RAB3D: variants seen among roughly 807,000 people sequenced by gnomAD.
RAB3D encodes the protein ras-related protein Rab-3D.
RAB3D carries 17 observed loss-of-function variants against 19.3 expected under a neutral mutation model. The ratio of observed to expected loss-of-function variants is 0.88; its 90% CI spans 0.60 to 1.32. RAB3D has a LOEUF of 1.32. Among genes scored for constraint, RAB3D ranks in the 40% most tolerant of loss-of-function variants. The pLI is 0.00. For synonymous variants in RAB3D, 103 were observed against 119.9 expected (o/e 0.86, Z 0.92); for missense variants, 223 against 299.1 (o/e 0.75, Z 1.88).
intron 4 of RAB3D, among the ~76,000 whole-genome samples, chr19:11,329,816 G>A (rs895789190): frequency 2.0e-5 from 3 of 151,778 alleles, no homozygotes; most frequent in African/African-American, 7.3e-5. Context: ...CAAGTAGCTG[G>A]GATTACAGGC....
chr19:11,332,447 C>A (rs907877779), intron 4 of RAB3D, among the ~76,000 whole-genome samples: 5 of 151,454 alleles, frequency 3.3e-5, no homozygotes, highest in African/African-American at 1.2e-4. Context: ...CAGGCTCAAG[C>A]GATCCTCCCA....
At chr19:11,328,962 C>T (rs2147967531) in intron 4 of RAB3D, among the ~76,000 whole-genome samples, 1 of 149,166 alleles carries the variant, frequency 6.7e-6, no homozygotes, top group Admixed American at 6.7e-5. Flanking sequence ...GACAGAGTCT[C>T]CCTCTGTTGC....
intron 1 of RAB3D, among the ~76,000 whole-genome samples, chr19:11,338,038 A>C (rs1028762641): frequency 1.3e-5 from 2 of 152,176 alleles, no homozygotes; most frequent in Admixed American, 6.5e-5. Context: ...CTCTGTGGAA[A>C]TGCAGCTGTG....
rs1174021789 is a variant in RAB3D at position 11,324,508 on chromosome 19, A to C, written c.*890T>G. 1.4e-5 allele frequency: 2 copies of C among 138,178 alleles called. No homozygotes were observed. The highest frequency in any genetic ancestry group is 3.0e-5 in the Non-Finnish European group (2 of 66,996). 8.6% of individuals were successfully genotyped at this position (138,178 alleles called of 1,614,324 possible). On this transcript the variant is annotated 3_prime_UTR_variant, in exon 5 of 5. Transcript: ENST00000222120. Reference sequence around the variant, plus strand: ...TTAAAACACAACCAGCTAAACAGCTAAACAGGGCCTGGGAGGGAGGCCCCA... The same window carrying C: ...TTAAAACACAACCAGCTAAACAGCTCAACAGGGCCTGGGAGGGAGGCCCCA...
intron 4 of RAB3D, chr19:11,327,053 G>C: frequency 2.1e-6 from 1 of 465,278 alleles, no homozygotes; most frequent in Non-Finnish European, 3.8e-6. Flanking sequence ...AGGGTAAGTG[G>C]ACCTGTCTTC....
In RAB3D at chr19:11,325,545, A is replaced by G. The variant is rs12981706; in HGVS notation, c.513T>C (p.Asn171=). ...CCAGGCGCTCGAAGACCTGCTTCAC[A>G]TTGATGTTCTCCTTGGCACTGGCTT... ...FFEASAKENI[N]VKQVFERLVD... Residue 171 remains asparagine (N), a synonymous_variant, in exon 5 of 5, where the codon AAT becomes AAC. Coordinates refer to ENST00000222120, the MANE Select transcript of RAB3D (RefSeq NM_004283.4). 59,732 of 1,613,384 alleles carry G rather than the reference A, an allele frequency of 0.037. 1,784 individuals are homozygous for G. Among genetic ancestry groups the G allele is most frequent in the African/African-American group, 0.15 (11,333 of 74,974 alleles).
chr19:11,339,218 C>A (rs976155997), intron 1 of RAB3D, among the ~76,000 whole-genome samples: 2 of 152,228 alleles, frequency 1.3e-5, no homozygotes, highest in African/African-American at 2.4e-5. Flanking sequence ...AGCCTGGCCC[C>A]GGAGGGCTCG....
At chr19:11,325,667 T>G in intron 4 of RAB3D, 82 bp from the exon 5 acceptor site, 1 of 1,351,292 alleles carries the variant, frequency 7.4e-7, no homozygotes, top group South Asian at 1.3e-5. Context: ...ACCTGGCTTC[T>G]AAGCCTAGTT....
intron 4 of RAB3D, among the ~76,000 whole-genome samples, chr19:11,331,870 C>T (rs925849155): frequency 3.3e-5 from 5 of 151,978 alleles, no homozygotes; most frequent in African/African-American, 1.2e-4. Flanking sequence ...GAAGTGTTTA[C>T]AGACAAAAGG....
At chr19:11,329,970 C>T (rs553080151) in intron 4 of RAB3D, among the ~76,000 whole-genome samples, 1 of 152,268 alleles carries the variant, frequency 6.6e-6, no homozygotes, top group African/African-American at 2.4e-5. Context: ...GCGTGAGCCA[C>T]CGAACCTGGC....
At position 11,335,547 on chromosome 19, in the gene RAB3D, G is replaced by C. The variant is rs774058133; in HGVS notation, c.372C>G (p.Ser124=). 1.9e-6 allele frequency: 3 copies of C among 1,614,098 alleles called. No individual in the cohort carries two copies. The highest frequency in any genetic ancestry group is 2.5e-6 in the Non-Finnish European group (3 of 1,180,034). ...CCAGGATGACCTGGGCGTTGTCCCA[G>C]GAGTAGGTCTTGATTTGCGTGGCCC... The part of the protein sequence containing the change: ...QDWATQIKTY[S]WDNAQVILVG... The change falls in exon 4 of 5, where the codon TCC becomes TCG. Residue 124 remains serine (S), a synonymous_variant. Coordinates refer to ENST00000222120, the MANE Select transcript of RAB3D (RefSeq NM_004283.4).
At chr19:11,327,205 C>T (rs1428338400) in intron 4 of RAB3D, among the ~76,000 whole-genome samples, 2 of 152,190 alleles carry the variant, frequency 1.3e-5, no homozygotes, top group African/African-American at 4.8e-5. Context: ...GTGCCCGACA[C>T]AGAGAGGGTG....
rs201261637 is a variant in RAB3D, at chr19:11,326,305, CAGG to C, written c.473-723_473-721del. Among the ~76,000 whole-genome samples, 1,149 of 151,980 alleles carry C rather than the reference CAGG, an allele frequency of 7.6e-3. 6 individuals carry two copies. The highest frequency in any genetic ancestry group is 0.027 in the African/African-American group (1,099 of 41,412). On this transcript the variant is annotated intron_variant, in intron 4 of 4. Transcript: ENST00000222120. ...TTAAGGCAGGAGAATGGTTTGAGCC[CAGG>C]AGGTCAAGGCAGCAGTGAGCCATGA...
intron 4 of RAB3D, among the ~76,000 whole-genome samples, chr19:11,333,507 G>T (rs897681103): frequency 6.6e-6 from 1 of 152,170 alleles, no homozygotes; most frequent in Admixed American, 6.6e-5. Context: ...TGGGTGCTCA[G>T]CATATTTCTG....
chr19:11,339,052 C>T (rs758503400), intron 1 of RAB3D, among the ~76,000 whole-genome samples: 1 of 152,212 alleles, frequency 6.6e-6, no homozygotes, highest in Non-Finnish European at 1.5e-5. Flanking sequence ...ACCCCGTGTT[C>T]CAGGAGAACG....
chr19:11,323,687 G>C lies in RAB3D; in HGVS notation c.*1711C>G, dbSNP rs911165061. 6.6e-6 allele frequency: 1 copy of C among 152,222 alleles called. No individual in the cohort carries two copies. The highest frequency in any genetic ancestry group is 2.4e-5 in the African/African-American group (1 of 41,432). 9.4% of individuals were successfully genotyped at this position (152,222 alleles called of 1,614,324 possible). A position where few individuals can be genotyped will look rare whatever the true frequency, so the allele number is the denominator to read the frequency against. On this transcript the variant is annotated 3_prime_UTR_variant, in exon 5 of 5. Coordinates refer to ENST00000222120, the MANE Select transcript of RAB3D (RefSeq NM_004283.4). The stretch of plus-strand genomic sequence containing the variant: ...GCTCCCTAGAAATAAATCTAAACTT[G>C]AACCAGGCTTTCCCCCTCACACATA...
chr19:11,334,949 G>A (rs977949086), intron 4 of RAB3D, among the ~76,000 whole-genome samples: 8 of 151,626 alleles, frequency 5.3e-5, no homozygotes, highest in East Asian at 3.9e-4. Context: ...CCTGGGAAGC[G>A]GAGCTTGCAG....
chr19:11,331,665 C>T (rs900546650), intron 4 of RAB3D, among the ~76,000 whole-genome samples: 6 of 152,004 alleles, frequency 3.9e-5, no homozygotes, highest in African/African-American at 1.4e-4. Flanking sequence ...GAGCTTTAAA[C>T]TTATTTTGTA....
intron 4 of RAB3D, among the ~76,000 whole-genome samples, chr19:11,327,670 A>G (rs943983707): frequency 1.3e-5 from 2 of 152,072 alleles, no homozygotes; most frequent in Non-Finnish European, 2.9e-5. Context: ...AAGTGCTGGG[A>G]TTACAGGCAT....
Sources: allele counts gnomAD v4.1 joint callset (sites outside exome capture counted in the v4.1 genomes callset), GRCh38; gene constraint gnomAD v4.1.1; transcripts MANE v1.5; gene names NCBI Gene and HGNC (gene_info 2026-07-23, HGNC 2026-07-21).